Variants in CLEC4A observed in about 807,000 individuals in gnomAD.
The protein encoded by CLEC4A is C-type lectin domain family 4 member A.
Under a neutral mutation model 32.7 loss-of-function variants are expected in CLEC4A, and 27 were observed. That is an observed-to-expected ratio of 0.83 (90% CI 0.61 to 1.14). The LOEUF (loss-of-function observed/expected upper bound fraction) is 1.14. Among genes scored for constraint, CLEC4A ranks in the 50% most tolerant of loss-of-function variants. CLEC4A has a pLI of 0.00. For missense variants in CLEC4A, 253 were observed against 274.6 expected (o/e 0.92, Z 0.55); for synonymous variants, 89 against 93.7 (o/e 0.95, Z 0.29).
the CLEC4A span, among the ~76,000 whole-genome samples, chr12:8,114,384 A>G: frequency 6.6e-6 from 1 of 152,030 alleles, no homozygotes. Context: ...AGCTGGGACC[A>G]CAGGCGCCCG....
intron 3 of CLEC4A, chr12:8,134,697 C>T (rs998891232): frequency 1.3e-6 from 2 of 1,573,776 alleles, no homozygotes; most frequent in Non-Finnish European, 1.7e-6. Flanking sequence ...AGAGCCTGGC[C>T]CAAACCCCGG....
At chr12:8,120,290 C>CG (rs1371370842), upstream of CLEC4A, among the ~76,000 whole-genome samples, 2 of 152,140 alleles carry the variant, frequency 1.3e-5, no homozygotes, top group Non-Finnish European at 2.9e-5. Context: ...CTGGTCTTTC[C>CG]GGCATGGCCA....
the CLEC4A span, among the ~76,000 whole-genome samples, chr12:8,107,698 G>GT: frequency 6.7e-6 from 1 of 149,824 alleles, no homozygotes; most frequent in South Asian, 2.1e-4. Flanking sequence ...GTCTCTGAGG[G>GT]TTTTTTGTAT....
At chr12:8,111,934 T>TGG in the CLEC4A span, among the ~76,000 whole-genome samples, 7 of 147,268 alleles carry the variant, frequency 4.8e-5, no homozygotes, top group South Asian at 4.4e-4. Context: ...TGTGTGTGTG[T>TGG]GTGTGTGTGT....
chr12:8,114,276 G>A, the CLEC4A span, among the ~76,000 whole-genome samples: 1 of 151,720 alleles, frequency 6.6e-6, no homozygotes, highest in Admixed American at 6.6e-5. Context: ...ATGGAGTCTT[G>A]CTCTGTCGCC....
chr12:8,134,689 A>C (rs770588795), intron 3 of CLEC4A: 9 of 1,575,912 alleles, frequency 5.7e-6, no homozygotes, highest in East Asian at 4.7e-5. Flanking sequence ...CACTCCTCAG[A>C]GCCTGGCCCA....
intron 4 of CLEC4A, 99 bp from the exon 5 acceptor site, chr12:8,136,689 G>T: frequency 1.4e-6 from 1 of 693,708 alleles, no homozygotes; most frequent in Non-Finnish European, 2.5e-6. Flanking sequence ...TGCAGCTGTT[G>T]CTGGATCCTC....
chr12:8,111,921 ATATGTGTGTGTGTGTGTG>A, the CLEC4A span, among the ~76,000 whole-genome samples: 21 of 109,664 alleles, frequency 1.9e-4, no homozygotes, highest in Non-Finnish European at 3.8e-4. Flanking sequence ...GTGAGTGTGT[ATATGTGTGTGTGTGTGTG>A]TGTGTGTGTG....
At chr12:8,125,732 A>G in intron 2 of CLEC4A, 55 bp downstream of exon 2, 1 of 1,057,578 alleles carries the variant, frequency 9.5e-7, no homozygotes, top group South Asian at 1.4e-5. Context: ...AACAGAGGGT[A>G]TCCTTTAAAA....
At chr12:8,107,335 T>C in the CLEC4A span, among the ~76,000 whole-genome samples, 1 of 152,220 alleles carries the variant, frequency 6.6e-6, no homozygotes, top group African/African-American at 2.4e-5. Context: ...CCTGGTTTCC[T>C]TTTTTATTCT....
At chr12:8,137,329 A>G (rs1428103056) in intron 5 of CLEC4A, among the ~76,000 whole-genome samples, 2 of 152,032 alleles carry the variant, frequency 1.3e-5, no homozygotes, top group Admixed American at 6.6e-5. Context: ...ACCAGGCTGG[A>G]GTGCAGTGGT....
rs758854703 is a variant in CLEC4A, at chr12:8,136,920, A to G, written c.566+17A>G. 30 of 1,550,716 alleles carry G rather than the reference A, an allele frequency of 1.9e-5. No homozygotes were observed. In the South Asian group the frequency reaches 3.1e-4, roughly 16 times the overall value. On this transcript the variant is annotated intron_variant, in intron 5 of 5. Transcript: ENST00000229332. Reference sequence around the variant, plus strand: ...AAGTTCCACGTGAGTATAGAATGAGATAAAAGAATCTTGGGTCCTGGATCA... The same window carrying G: ...AAGTTCCACGTGAGTATAGAATGAGGTAAAAGAATCTTGGGTCCTGGATCA...
At chr12:8,107,849 C>A in the CLEC4A span, among the ~76,000 whole-genome samples, 1 of 146,790 alleles carries the variant, frequency 6.8e-6, no homozygotes, top group Non-Finnish European at 1.5e-5. Context: ...TGTGGGATTT[C>A]TTGATCTTTT....
chr12:8,123,887 G>A lies in CLEC4A; in HGVS notation c.9G>A (p.Ser3=), dbSNP rs184359922. ...GAAGCTCTCTTCCCATTATGACTTCGGAAATCACTTATGCTGAAGTGAGGT... is the reference window on the plus strand; with the variant it reads ...GAAGCTCTCTTCCCATTATGACTTCAGAAATCACTTATGCTGAAGTGAGGT... The part of the protein sequence containing the change: MT[S]EITYAEVRFK... The change falls in exon 1 of 6, where the codon TCG becomes TCA. Residue 3 remains serine (S), a synonymous_variant. Transcript: ENST00000229332. 183 of 1,610,426 alleles carry A rather than the reference G, an allele frequency of 1.1e-4. 1 individual carries two copies. In the Admixed American group the frequency reaches 1.1e-3, roughly 10 times the overall value.
intron 1 of CLEC4A, 35 bp from the exon 2 acceptor site, chr12:8,125,524 CTT>C: frequency 8.1e-7 from 1 of 1,235,392 alleles, no homozygotes. Context: ...AAAGACCAAA[CTT>C]ATTACTGATA....
At chr12:8,111,072 A>G in the CLEC4A span, among the ~76,000 whole-genome samples, 13 of 150,604 alleles carry the variant, frequency 8.6e-5, no homozygotes, top group African/African-American at 2.9e-4. Context: ...ATGGGGTTTC[A>G]CTGTGTTAGC....
upstream of CLEC4A, among the ~76,000 whole-genome samples, chr12:8,122,110 A>G (rs1947836113): frequency 6.6e-6 from 1 of 151,942 alleles, no homozygotes; most frequent in African/African-American, 2.4e-5. Flanking sequence ...GATGGACATT[A>G]TTGCTGGGGG....
chr12:8,103,531 G>T, the CLEC4A span, among the ~76,000 whole-genome samples: 24 of 151,674 alleles, frequency 1.6e-4, no homozygotes, highest in Non-Finnish European at 3.2e-4. Flanking sequence ...GACTACAGGG[G>T]CACGCCACCA....
At chr12:8,131,472 C>CGAA (rs1457353740) in intron 3 of CLEC4A, among the ~76,000 whole-genome samples, 2 of 149,666 alleles carry the variant, frequency 1.3e-5, no homozygotes, top group Non-Finnish European at 3.0e-5. Context: ...AGTGCAAAGG[C>CGAA]AGTCCACTGA....
Sources: allele counts gnomAD v4.1 joint callset (sites outside exome capture counted in the v4.1 genomes callset), GRCh38; gene constraint gnomAD v4.1.1; transcripts MANE v1.5; gene names NCBI Gene and HGNC (gene_info 2026-07-23, HGNC 2026-07-21).